RGS8: variants seen among roughly 807,000 people sequenced by gnomAD.
The protein encoded by RGS8 is regulator of G protein signaling 8.
A neutral mutation model predicts 21.7 loss-of-function variants in RGS8; 8 were observed. The observed-to-expected ratio is 0.37, with a 90% CI of 0.22 to 0.66. RGS8 has a LOEUF of 0.66. Ranked by LOEUF, RGS8 falls within the 30% of genes least tolerant of loss-of-function variation. The pLI is 0.59. For missense variants in RGS8, 157 were observed against 217.9 expected, an observed-to-expected ratio of 0.72 and a Z score of 1.76; for synonymous variants, 80 against 83.6, an observed-to-expected ratio of 0.96 and a Z score of 0.24.
chr1:182,744,831 A>G, the RGS8 span, among the ~76,000 whole-genome samples: 1 of 152,220 alleles, frequency 6.6e-6, no homozygotes, highest in Non-Finnish European at 1.5e-5. Context: ...TTGTCCAAAC[A>G]TGATCACAAT....
chr1:182,668,647 A>C (rs1190447866), intron 3 of RGS8, among the ~76,000 whole-genome samples: 1 of 152,154 alleles, frequency 6.6e-6, no homozygotes, highest in Non-Finnish European at 1.5e-5. Flanking sequence ...TCCTGCAAAA[A>C]ATTGGGCCTG....
At chr1:182,712,698 T>C in the RGS8 span, among the ~76,000 whole-genome samples, 26 of 152,194 alleles carry the variant, frequency 1.7e-4, no homozygotes, top group Non-Finnish European at 1.0e-4. Context: ...TTGAAATAAA[T>C]AGACAAAATT....
At chr1:182,739,406 C>G in the RGS8 span, among the ~76,000 whole-genome samples, 220 of 152,304 alleles carry the variant, frequency 1.4e-3, no homozygotes, top group African/African-American at 4.3e-3. Context: ...GGGCCCCGAC[C>G]TTGAGTACTG....
the RGS8 span, among the ~76,000 whole-genome samples, chr1:182,702,451 G>A: frequency 6.6e-6 from 1 of 152,138 alleles, no homozygotes; most frequent in East Asian, 1.9e-4. Context: ...CTGGGTGACA[G>A]GATCAGTCAT....
At chr1:182,643,701 A>C (rs1662579430), downstream of RGS8, 2 of 152,358 alleles carry the variant, frequency 1.3e-5, no homozygotes, top group South Asian at 4.1e-4. Context: ...TGCATGCTCA[A>C]GTTTAATGAG....
downstream of RGS8, chr1:182,645,512 G>T (rs1261694992): frequency 6.6e-6 from 1 of 152,208 alleles, no homozygotes; most frequent in African/African-American, 2.4e-5. Context: ...CAGCTGCAGG[G>T]TACCATGAAA....
the RGS8 span, among the ~76,000 whole-genome samples, chr1:182,724,580 C>T: frequency 1.1e-4 from 16 of 152,116 alleles, no homozygotes; most frequent in South Asian, 2.1e-4. Context: ...TTTTTTGAGA[C>T]GGAGTATTGC....
the RGS8 span, among the ~76,000 whole-genome samples, chr1:182,742,473 C>G: frequency 6.6e-6 from 1 of 152,240 alleles, no homozygotes; most frequent in South Asian, 2.1e-4. Context: ...GAACGAGACT[C>G]CGTCTGCAAT....
chr1:182,711,338 C>T, the RGS8 span, among the ~76,000 whole-genome samples: 2 of 152,202 alleles, frequency 1.3e-5, no homozygotes, highest in Non-Finnish European at 2.9e-5. Context: ...AAATACCAAT[C>T]CATTGTCTAT....
chr1:182,677,085 C>T (rs1664389125), upstream of RGS8, among the ~76,000 whole-genome samples: 1 of 152,068 alleles, frequency 6.6e-6, no homozygotes, highest in Non-Finnish European at 1.5e-5. Flanking sequence ...AAAAAGTTTC[C>T]TAATTTAGTG....
the RGS8 span, among the ~76,000 whole-genome samples, chr1:182,692,720 A>G: frequency 6.7e-6 from 1 of 150,324 alleles, no homozygotes; most frequent in African/African-American, 2.4e-5. Flanking sequence ...CACACTACCC[A>G]ACTTCAAACT....
At chr1:182,719,187 C>T in the RGS8 span, among the ~76,000 whole-genome samples, 1 of 152,218 alleles carries the variant, frequency 6.6e-6, no homozygotes, top group South Asian at 2.1e-4. Flanking sequence ...TTGCGCAGCA[C>T]AGAGTAGCCT....
chr1:182,751,596 C>T, the RGS8 span, among the ~76,000 whole-genome samples: 1 of 150,986 alleles, frequency 6.6e-6, no homozygotes, highest in Non-Finnish European at 1.5e-5. Context: ...TCACATCCTA[C>T]CACATACATT....
intron 4 of RGS8, 62 bp from the exon 6 acceptor site, chr1:182,666,095 C>T (rs529651895): frequency 5.6e-5 from 80 of 1,439,750 alleles, no homozygotes; most frequent in Middle Eastern, 3.5e-4. Context: ...CCTCAACAAC[C>T]GCTAAGATTT....
the RGS8 span, among the ~76,000 whole-genome samples, chr1:182,699,013 C>CTATT: frequency 6.6e-6 from 1 of 152,124 alleles, no homozygotes. Context: ...AGGCATAAAG[C>CTATT]TATTTATTTG....
chr1:182,740,544 GTTTGTTTTTT>G, the RGS8 span, among the ~76,000 whole-genome samples: 18 of 103,312 alleles, frequency 1.7e-4, no homozygotes, highest in African/African-American at 3.7e-4. Context: ...TTTTTTGTTT[GTTTGTTTTTT>G]TTTTTTTTTT....
At chr1:182,696,730 C>T in the RGS8 span, among the ~76,000 whole-genome samples, 2,489 of 152,330 alleles carry the variant, frequency 0.016, 65 homozygotes, top group African/African-American at 0.057. Flanking sequence ...TGTGTAACCA[C>T]TCAAAAGCTT....
chr1:182,646,633 A>G (rs1303327252), exon 7 of RGS8: 15 of 1,129,648 alleles, frequency 1.3e-5, no homozygotes, highest in Middle Eastern at 2.2e-4. Flanking sequence ...CCCACCCCCA[A>G]TGCCACCGCT....
At chr1:182,649,054 C>A (rs1178451662) in intron 5 of RGS8, among the ~76,000 whole-genome samples, 2 of 152,042 alleles carry the variant, frequency 1.3e-5, no homozygotes, top group Non-Finnish European at 2.9e-5. Flanking sequence ...GAGCCGAGAT[C>A]ACGCCACTAC....
Sources: allele counts gnomAD v4.1 joint callset (sites outside exome capture counted in the v4.1 genomes callset), GRCh38; gene constraint gnomAD v4.1.1; transcripts MANE v1.5; gene names NCBI Gene and HGNC (gene_info 2026-07-23, HGNC 2026-07-21).